The following FOXO1 variants were observed in gnomAD, a reference collection of about 807,000 sequenced individuals.
The protein encoded by FOXO1 is forkhead box O1, also known as forkhead box protein O1.
In FOXO1, 6 loss-of-function variants were observed where a neutral mutation model predicts 44.1. That is an observed-to-expected ratio of 0.14 (90% CI 0.07 to 0.27). The LOEUF (loss-of-function observed/expected upper bound fraction) is 0.27, where lower values mean the gene tolerates loss of function less well. FOXO1 is among the 10% of genes least tolerant of loss of function. The pLI is 1.00. For synonymous variants in FOXO1, 380 were observed against 362.7 expected, an observed-to-expected ratio of 1.05 and a Z score of -0.54; for missense variants, 737 against 888.8, an observed-to-expected ratio of 0.83 and a Z score of 2.17.
Position 40,557,809 on chromosome 13 carries a change from G to A in FOXO1, c.*1240C>T, listed in dbSNP as rs1873815078. On this transcript the variant is annotated 3_prime_UTR_variant, in exon 3 of 3. Coordinates refer to ENST00000379561, the MANE Select transcript of FOXO1 (RefSeq NM_002015.4). ...TTGACAAAGGACCATTGCTTTAGAT[G>A]CAGATCTCCCTTTTCTGATCTACAA... 1 of 152,200 alleles carries A rather than the reference G, an allele frequency of 6.6e-6. No individual in the cohort carries two copies. Among genetic ancestry groups the A allele is most frequent in the Non-Finnish European group, 1.5e-5 (1 of 68,032 alleles). The allele number at this position is 152,200 out of a possible 1,614,324, so 9.4% of individuals were successfully genotyped here. A position where few individuals can be genotyped will look rare whatever the true frequency, so the allele number is the denominator to read the frequency against.
intron 1 of FOXO1, among the ~76,000 whole-genome samples, chr13:40,578,372 G>A (rs1212298345): frequency 6.6e-6 from 1 of 152,106 alleles, no homozygotes; most frequent in Non-Finnish European, 1.5e-5. Flanking sequence ...GTGCATTCTG[G>A]TTAAATTCCT....
At chr13:40,631,753 G>A (rs1375402090) in intron 1 of FOXO1, among the ~76,000 whole-genome samples, 4 of 152,174 alleles carry the variant, frequency 2.6e-5, no homozygotes, top group Admixed American at 2.6e-4. Context: ...GCTGTCAAAA[G>A]CCTGAAGAAG....
intron 1 of FOXO1, among the ~76,000 whole-genome samples, chr13:40,655,346 CT>C (rs1477040003): frequency 1.8e-5 from 2 of 108,350 alleles, no homozygotes; most frequent in African/African-American, 3.7e-5. Context: ...TAGACCCCAT[CT>C]CAAAAAAAAA....
intron 1 of FOXO1, among the ~76,000 whole-genome samples, chr13:40,648,371 A>G (rs1300320430): frequency 1.3e-5 from 2 of 152,182 alleles, no homozygotes; most frequent in African/African-American, 4.8e-5. Flanking sequence ...AGTTCTTTCC[A>G]CCATGTATAC....
intron 1 of FOXO1, among the ~76,000 whole-genome samples, chr13:40,591,653 T>C (rs892841097): frequency 8.5e-5 from 13 of 152,230 alleles, no homozygotes; most frequent in Admixed American, 2.0e-4. Context: ...AATTGTTTTA[T>C]AATTTTACTA....
At chr13:40,659,794 ATAGAG>A (rs1166585247) in intron 1 of FOXO1, among the ~76,000 whole-genome samples, 2 of 151,964 alleles carry the variant, frequency 1.3e-5, no homozygotes, top group Non-Finnish European at 2.9e-5. Flanking sequence ...AGAAGACGGA[ATAGAG>A]TAAACTGGGA....
At chr13:40,586,918 T>C (rs985361697) in intron 1 of FOXO1, among the ~76,000 whole-genome samples, 42 of 152,204 alleles carry the variant, frequency 2.8e-4, no homozygotes, top group African/African-American at 6.8e-4. Context: ...ACTGGAAACA[T>C]TGCTAAAGTG....
At chr13:40,585,114 G>T (rs967477980) in intron 1 of FOXO1, among the ~76,000 whole-genome samples, 5 of 152,018 alleles carry the variant, frequency 3.3e-5, no homozygotes, top group African/African-American at 1.2e-4. Context: ...AATAATAAAA[G>T]GCAATTCATT....
intron 1 of FOXO1, among the ~76,000 whole-genome samples, chr13:40,655,605 T>C (rs1877831428): frequency 6.7e-6 from 1 of 149,382 alleles, no homozygotes; most frequent in Non-Finnish European, 1.5e-5. Context: ...TCTATAGGGA[T>C]AAATATATTA....
intron 1 of FOXO1, among the ~76,000 whole-genome samples, chr13:40,639,831 T>C (rs567129666): frequency 1.3e-5 from 2 of 152,370 alleles, no homozygotes; most frequent in East Asian, 1.9e-4. Context: ...GTTTTTTCCT[T>C]TCTCCCTTCT....
At chr13:40,659,179 G>A (rs1352511901) in intron 1 of FOXO1, among the ~76,000 whole-genome samples, 4 of 151,932 alleles carry the variant, frequency 2.6e-5, no homozygotes, top group East Asian at 3.9e-4. Flanking sequence ...TCCAGGTGTG[G>A]TGGCATGTGC....
At chr13:40,603,669 C>T (rs1440497934) in intron 1 of FOXO1, among the ~76,000 whole-genome samples, 1 of 152,136 alleles carries the variant, frequency 6.6e-6, no homozygotes, top group East Asian at 1.9e-4. Flanking sequence ...AACTGAACCC[C>T]TTTCATATCA....
At chr13:40,637,288 C>CA (rs1438419959) in intron 1 of FOXO1, among the ~76,000 whole-genome samples, 15 of 151,726 alleles carry the variant, frequency 9.9e-5, no homozygotes. Context: ...ACTAAAAATA[C>CA]AAAAAATTAG....
chr13:40,613,148 T>C (rs1835485203), intron 1 of FOXO1, among the ~76,000 whole-genome samples: 2 of 152,256 alleles, frequency 1.3e-5, no homozygotes, highest in South Asian at 4.2e-4. Flanking sequence ...ACCCCATCTC[T>C]CCATCAGGAT....
intron 1 of FOXO1, among the ~76,000 whole-genome samples, chr13:40,579,782 C>T (rs1874890856): frequency 6.6e-6 from 1 of 152,138 alleles, no homozygotes; most frequent in Non-Finnish European, 1.5e-5. Flanking sequence ...AACCTGTACA[C>T]AAGGTTTCCC....
At chr13:40,640,797 GTT>G (rs1555252762) in intron 1 of FOXO1, among the ~76,000 whole-genome samples, 8,865 of 77,280 alleles carry the variant, frequency 0.11, 474 homozygotes, top group East Asian at 0.48. Context: ...TGTTGTTGTT[GTT>G]TGAGACAGAG....
chr13:40,591,170 C>A (rs1264333503), intron 1 of FOXO1, among the ~76,000 whole-genome samples: 1 of 151,950 alleles, frequency 6.6e-6, no homozygotes, highest in African/African-American at 2.4e-5. Flanking sequence ...AGAGACTCTT[C>A]CTGCCAAAAA....
intron 1 of FOXO1, among the ~76,000 whole-genome samples, chr13:40,620,890 C>G (rs1030890317): frequency 6.6e-6 from 1 of 150,584 alleles, no homozygotes; most frequent in Non-Finnish European, 1.5e-5. Flanking sequence ...TCACCGTCTC[C>G]CGGGTTCAAG....
chr13:40,603,972 GAATTAAGAA>G, intron 1 of FOXO1, among the ~76,000 whole-genome samples: 1 of 152,236 alleles, frequency 6.6e-6, no homozygotes, highest in Non-Finnish European at 1.5e-5. Context: ...TTTGTCAAGG[GAATTAAGAA>G]CTGGGGTTGA....
Sources: allele counts gnomAD v4.1 joint callset (sites outside exome capture counted in the v4.1 genomes callset), GRCh38; gene constraint gnomAD v4.1.1; transcripts MANE v1.5; gene names NCBI Gene and HGNC (gene_info 2026-07-23, HGNC 2026-07-21).